SORCS1: variants seen among roughly 807,000 people sequenced by gnomAD.
SORCS1 encodes the protein sortilin related VPS10 domain containing receptor 1.
A neutral mutation model predicts 146.1 loss-of-function variants in SORCS1; 60 were observed. The ratio of observed to expected loss-of-function variants is 0.41; its 90% CI spans 0.33 to 0.51. The LOEUF (loss-of-function observed/expected upper bound fraction) is 0.51. SORCS1 is among the 20% of genes least tolerant of loss of function. The probability of loss-of-function intolerance (pLI) is 0.21; values close to 1 mark genes in which losing one functional copy is unlikely to be tolerated. For missense variants in SORCS1, 1,352 were observed against 1,487.6 expected, an observed-to-expected ratio of 0.91 and a Z score of 1.50; for synonymous variants, 637 against 584.0, an observed-to-expected ratio of 1.09 and a Z score of -1.31.
At chr10:107,099,495 A>G (rs1216357101) in intron 1 of SORCS1, among the ~76,000 whole-genome samples, 1 of 152,200 alleles carries the variant, frequency 6.6e-6, no homozygotes, top group African/African-American at 2.4e-5. Flanking sequence ...GTAAATTTAA[A>G]TTAAGTCAAA....
At chr10:107,047,694 C>T (rs541891575) in intron 1 of SORCS1, among the ~76,000 whole-genome samples, 2 of 152,248 alleles carry the variant, frequency 1.3e-5, no homozygotes, top group South Asian at 2.1e-4. Flanking sequence ...CACCGCAGTG[C>T]GTTGCCAATA....
chr10:106,924,590 C>T (rs17190802), intron 2 of SORCS1, among the ~76,000 whole-genome samples: 48,518 of 151,826 alleles, frequency 0.32, 8,064 homozygotes, highest in Middle Eastern at 0.4. Context: ...AGAAAGGAAG[C>T]GTAAGAACAA....
intron 17 of SORCS1, among the ~76,000 whole-genome samples, chr10:106,663,393 T>C (rs1390647370): frequency 6.6e-6 from 1 of 152,210 alleles, no homozygotes; most frequent in African/African-American, 2.4e-5. Flanking sequence ...GAAGTATGCA[T>C]ATCAAACAGA....
intron 1 of SORCS1, among the ~76,000 whole-genome samples, chr10:107,153,468 G>A (rs550297599): frequency 6.6e-6 from 1 of 152,246 alleles, no homozygotes; most frequent in South Asian, 2.1e-4. Flanking sequence ...GGTGAATGGA[G>A]GTCACTGGAA....
intron 1 of SORCS1, among the ~76,000 whole-genome samples, chr10:107,122,960 G>A (rs1966491231): frequency 6.6e-6 from 1 of 152,052 alleles, no homozygotes; most frequent in African/African-American, 2.4e-5. Context: ...TGCTTTCCCA[G>A]GGAGGCTTTC....
intron 23 of SORCS1, chr10:106,600,795 CT>C: frequency 1.3e-6 from 1 of 780,108 alleles, no homozygotes; most frequent in Middle Eastern, 6.5e-4. Flanking sequence ...TGTTTGACTC[CT>C]AATCCTAGGG....
intron 1 of SORCS1, among the ~76,000 whole-genome samples, chr10:107,120,369 TA>T (rs1196735969): frequency 1.3e-5 from 2 of 152,168 alleles, no homozygotes; most frequent in Admixed American, 6.5e-5. Context: ...AAGAAAGTAA[TA>T]AAAAAATTCA....
rs147338037 is a variant in SORCS1, at chr10:107,072,242, G to A, written c.558+91727C>T. ...TGCAGAGCTTAACAGGGAGCCTGCA[G>A]GCAAAGCAGGAAGGCTGCAGAGGCC... On this transcript the variant is annotated intron_variant, in intron 1 of 25. Transcript: ENST00000263054. Among the ~76,000 whole-genome samples the A allele has an allele frequency of 3.7e-3, 569 of 152,294 alleles. 4 individuals are homozygous for A. Among genetic ancestry groups the A allele is most frequent in the African/African-American group, 0.013 (538 of 41,566 alleles).
intron 1 of SORCS1, among the ~76,000 whole-genome samples, chr10:107,055,361 TAGTG>T (rs1270104997): frequency 3.3e-5 from 5 of 151,582 alleles, no homozygotes; most frequent in African/African-American, 1.2e-4. Context: ...AAGGAATAGA[TAGTG>T]AGTTTAAGTT....
At chr10:106,652,323 G>T in intron 18 of SORCS1, 59 bp downstream of exon 18, 3 of 1,457,808 alleles carry the variant, frequency 2.1e-6, no homozygotes, top group Non-Finnish European at 2.7e-6. Context: ...CAAAACCATG[G>T]TTTATTAAGA....
At chr10:106,786,968 T>C (rs1946085714) in intron 3 of SORCS1, among the ~76,000 whole-genome samples, 1 of 152,164 alleles carries the variant, frequency 6.6e-6, no homozygotes. Context: ...AATTGCATTG[T>C]TTAGTCCCTC....
intron 17 of SORCS1, among the ~76,000 whole-genome samples, chr10:106,657,488 A>G (rs1232335322): frequency 5.9e-5 from 9 of 152,022 alleles, no homozygotes; most frequent in Non-Finnish European, 1.3e-4. Flanking sequence ...GACAGAGAAA[A>G]AACTACATAT....
chr10:106,586,811 T>C (rs1250343368), intron 24 of SORCS1, among the ~76,000 whole-genome samples: 1 of 151,994 alleles, frequency 6.6e-6, no homozygotes, highest in Non-Finnish European at 1.5e-5. Context: ...AAAATATTAA[T>C]TGGATGTGGT....
intron 1 of SORCS1, among the ~76,000 whole-genome samples, chr10:107,099,324 C>A (rs1964759290): frequency 2.0e-5 from 3 of 152,058 alleles, no homozygotes; most frequent in Admixed American, 2.0e-4. Context: ...GAGTGTGAGA[C>A]CACTAGAAAA....
rs954116615 is a variant in SORCS1, at chr10:106,917,887, T to G, written c.626+38626A>C. Among the ~76,000 whole-genome samples the G allele has an allele frequency of 5.9e-5, 9 of 152,344 alleles. 1 individual carries two copies. Among genetic ancestry groups the G allele is most frequent in the Admixed American group, 5.2e-4 (8 of 15,304 alleles). The stretch of plus-strand genomic sequence containing the variant: ...TCCTATGAGTGGTGCTCGCTTCAAG[T>G]GCTTGAAACTGATGCCAATTTGGCC... On this transcript the variant is annotated intron_variant, in intron 2 of 25. Coordinates refer to ENST00000263054, the MANE Select transcript of SORCS1 (RefSeq NM_052918.5).
At chr10:107,151,853 A>G in intron 1 of SORCS1, among the ~76,000 whole-genome samples, 1 of 152,244 alleles carries the variant, frequency 6.6e-6, no homozygotes, top group East Asian at 1.9e-4. Context: ...TTCTGGGGGG[A>G]GAAATTCAAG....
chr10:106,994,079 A>AG (rs1278413151), intron 1 of SORCS1, among the ~76,000 whole-genome samples: 4 of 150,730 alleles, frequency 2.7e-5, no homozygotes, highest in Admixed American at 6.6e-5. Flanking sequence ...AAAAAAAAAA[A>AG]AAAAAAAAGA....
intron 1 of SORCS1, among the ~76,000 whole-genome samples, chr10:107,162,536 G>A (rs1374857485): frequency 2.6e-5 from 4 of 152,170 alleles, no homozygotes; most frequent in Non-Finnish European, 5.9e-5. Context: ...CCACTCCTGA[G>A]AACCATATAA....
chr10:106,612,346 C>T (rs1489901030), intron 21 of SORCS1, among the ~76,000 whole-genome samples: 3 of 129,920 alleles, frequency 2.3e-5, no homozygotes, highest in South Asian at 3.1e-4. Context: ...GCCCCCCTTC[C>T]CCCCTTCTCC....
Sources: allele counts gnomAD v4.1 joint callset (sites outside exome capture counted in the v4.1 genomes callset), GRCh38; gene constraint gnomAD v4.1.1; transcripts MANE v1.5; gene names NCBI Gene and HGNC (gene_info 2026-07-23, HGNC 2026-07-21).